ODAD1: variants seen among roughly 807,000 people sequenced by gnomAD.
ODAD1 encodes the protein outer dynein arm-docking complex subunit 1.
In ODAD1, 49 loss-of-function variants were observed where a neutral mutation model predicts 67.2. That is an observed-to-expected ratio of 0.73 (90% CI 0.58 to 0.92). The LOEUF (loss-of-function observed/expected upper bound fraction) is 0.92. Ranked by LOEUF, ODAD1 falls within the 40% of genes least tolerant of loss-of-function variation. The pLI is 0.00. For synonymous variants in ODAD1, 345 were observed against 393.7 expected (o/e 0.88, Z 1.46); for missense variants, 897 against 953.7 (o/e 0.94, Z 0.78).
chr19:48,311,474 G>C (rs1280915078), intron 7 of ODAD1, 79 bp downstream of exon 7: 4 of 812,736 alleles, frequency 4.9e-6, no homozygotes, highest in Non-Finnish European at 8.3e-6. Flanking sequence ...CTGAGTGCTA[G>C]AGCAGGAAGG....
At chr19:48,309,912 G>A (rs1242606187) in intron 7 of ODAD1, among the ~76,000 whole-genome samples, 2 of 152,154 alleles carry the variant, frequency 1.3e-5, no homozygotes, top group East Asian at 1.9e-4. Flanking sequence ...CCCCCAAAGT[G>A]CAGATGCCAA....
At chr19:48,308,834 G>A (rs537943907) in intron 7 of ODAD1, among the ~76,000 whole-genome samples, 4 of 152,338 alleles carry the variant, frequency 2.6e-5, no homozygotes, top group African/African-American at 9.6e-5. Flanking sequence ...CTCTTGCAGG[G>A]AGCCAGGAGC....
At chr19:48,299,344 G>C (rs1011956486) in intron 12 of ODAD1, among the ~76,000 whole-genome samples, 1 of 152,070 alleles carries the variant, frequency 6.6e-6, no homozygotes, top group Non-Finnish European at 1.5e-5. Flanking sequence ...CCGGGAGATG[G>C]ACGTTGCAGT....
rs576523977 is a variant in ODAD1, at chr19:48,306,392, G to A, written c.598-69C>T. 64 of 1,345,300 alleles carry A rather than the reference G, an allele frequency of 4.8e-5. No individual in the cohort carries two copies. The African/African-American group carries it at 8.9e-4, about 19-fold the overall frequency. The allele number at this position is 1,345,300 out of a possible 1,614,324, so 83.3% of individuals were successfully genotyped here. On this transcript the variant is annotated intron_variant, in intron 7 of 15. Transcript: ENST00000674294. ...CCATTGCTCGAAGTCTTTCCTTTTGGCCCCGTGCTTCTCCAATAAGGAGTA... is the reference window on the plus strand; with the variant it reads ...CCATTGCTCGAAGTCTTTCCTTTTGACCCCGTGCTTCTCCAATAAGGAGTA...
intron 12 of ODAD1, among the ~76,000 whole-genome samples, chr19:48,299,657 G>A (rs1383161480): frequency 6.6e-6 from 1 of 151,820 alleles, no homozygotes; most frequent in East Asian, 1.9e-4. Flanking sequence ...ACAAAAATTA[G>A]CTGGGTGTGG....
intron 7 of ODAD1, among the ~76,000 whole-genome samples, chr19:48,310,387 A>G (rs971227906): frequency 6.6e-6 from 1 of 152,196 alleles, no homozygotes; most frequent in Non-Finnish European, 1.5e-5. Context: ...ATGCAACGTG[A>G]GATTCTGGAC....
intron 10 of ODAD1, 72 bp from the exon 11 acceptor site, chr19:48,303,167 G>T: frequency 8.4e-7 from 1 of 1,186,342 alleles, no homozygotes; most frequent in Non-Finnish European, 1.3e-6. Context: ...AACAGAGACA[G>T]AGAGGCATAC....
rs1446635116 is a variant in ODAD1, at chr19:48,321,872, A to T, written c.-258T>A. The T allele has an allele frequency of 7.5e-6, 3 of 398,386 alleles. No homozygotes were observed. Among genetic ancestry groups the T allele is most frequent in the Non-Finnish European group, 1.3e-5 (3 of 225,972 alleles). 24.7% of individuals were successfully genotyped at this position (398,386 alleles called of 1,614,324 possible). The stretch of plus-strand genomic sequence containing the variant: ...GAGTTGCGCGGAGAAGGAGCGCTCA[A>T]CACAGCCTCAGCGGTTCACTACGCA... On this transcript the variant is annotated 5_prime_UTR_variant, in exon 1 of 16. In the 5' UTR this introduces an upstream ATG that the reference lacks. Transcript: ENST00000674294.
intron 12 of ODAD1, among the ~76,000 whole-genome samples, chr19:48,301,609 G>A (rs969225678): frequency 2.2e-4 from 33 of 152,190 alleles, no homozygotes; most frequent in Non-Finnish European, 4.7e-4. Context: ...AGACTAGGAA[G>A]ACAAAAGTCA....
Position 48,318,707 on chromosome 19 carries a change from G to C in ODAD1, c.170+6C>G, listed in dbSNP as rs574593150. On this transcript the variant is annotated splice_donor_region_variant and intron_variant, in intron 4 of 15. Coordinates refer to ENST00000674294, the MANE Select transcript of ODAD1 (RefSeq NM_001364171.2). The stretch of plus-strand genomic sequence containing the variant: ...CCCCAGCTCAGGGCCCAGGCGCCCA[G>C]CTCACAGTTGCTTGTTGATGCGCTG... 1 of 1,547,516 alleles carries C rather than the reference G, an allele frequency of 6.5e-7. No homozygotes were observed. Among genetic ancestry groups the C allele is most frequent in the Non-Finnish European group, 8.7e-7 (1 of 1,143,286 alleles).
chr19:48,297,072 G>A lies in ODAD1; in HGVS notation c.2028C>T (p.Ser676=), dbSNP rs146521880. 27 of 1,613,076 alleles carry A rather than the reference G, an allele frequency of 1.7e-5. No homozygotes were observed. Among genetic ancestry groups the A allele is most frequent in the African/African-American group, 6.7e-5 (5 of 75,004 alleles). ...GGTCTCTGCTGGACCCGAGGCCTCCGCTCGAATCAGACGCTGTGCCTCCGC... is the reference window on the plus strand; with the variant it reads ...GGTCTCTGCTGGACCCGAGGCCTCCACTCGAATCAGACGCTGTGCCTCCGC... ...VESGGTASDS[S]GGLGSSRDHV... is the part of the protein sequence containing the mutation. Residue 676 remains serine, a synonymous_variant, in exon 16 of 16, where the codon AGC becomes AGT. Coordinates refer to ENST00000674294, the MANE Select transcript of ODAD1 (RefSeq NM_001364171.2).
intron 12 of ODAD1, among the ~76,000 whole-genome samples, chr19:48,301,608 A>G (rs1968465057): frequency 6.6e-6 from 1 of 152,246 alleles, no homozygotes; most frequent in Non-Finnish European, 1.5e-5. Context: ...AAGACTAGGA[A>G]GACAAAAGTC....
chr19:48,304,606 C>T (rs989877316), intron 8 of ODAD1, among the ~76,000 whole-genome samples: 7 of 94,564 alleles, frequency 7.4e-5, no homozygotes, highest in East Asian at 3.1e-4. Context: ...GTGGCAAGAG[C>T]GAAACTGTCT....
chr19:48,307,306 G>C (rs960421998), intron 7 of ODAD1, among the ~76,000 whole-genome samples: 4 of 150,430 alleles, frequency 2.7e-5, no homozygotes, highest in Non-Finnish European at 5.9e-5. Context: ...TGTAAAATAT[G>C]TCAGCCAGGC....
At chr19:48,301,389 T>C (rs1968458533) in intron 12 of ODAD1, among the ~76,000 whole-genome samples, 1 of 151,820 alleles carries the variant, frequency 6.6e-6, no homozygotes, top group South Asian at 2.1e-4. Context: ...ATGATGGATA[T>C]GGGACAGTTG....
At chr19:48,305,064 G>A (rs769072470) in intron 8 of ODAD1, among the ~76,000 whole-genome samples, 24 of 152,154 alleles carry the variant, frequency 1.6e-4, no homozygotes, top group Non-Finnish European at 2.9e-4. Context: ...CCCTAAGGCC[G>A]ACCCAGGCCA....
intron 7 of ODAD1, among the ~76,000 whole-genome samples, chr19:48,310,384 G>A (rs1368495531): frequency 2.6e-5 from 4 of 152,162 alleles, no homozygotes; most frequent in Non-Finnish European, 4.4e-5. Context: ...CAAATGCAAC[G>A]TGAGATTCTG....
chr19:48,311,009 G>A (rs1249911858), intron 7 of ODAD1, among the ~76,000 whole-genome samples: 3 of 152,112 alleles, frequency 2.0e-5, no homozygotes, highest in Admixed American at 6.6e-5. Flanking sequence ...TCAGGAGATC[G>A]AGACCATCCT....
intron 12 of ODAD1, among the ~76,000 whole-genome samples, chr19:48,299,488 T>C (rs1600857062): frequency 6.6e-6 from 1 of 152,018 alleles, no homozygotes; most frequent in Admixed American, 6.6e-5. Context: ...CTGAGTGCTC[T>C]GCATGGCTAC....
Sources: allele counts gnomAD v4.1 joint callset (sites outside exome capture counted in the v4.1 genomes callset), GRCh38; gene constraint gnomAD v4.1.1; transcripts MANE v1.5; gene names NCBI Gene and HGNC (gene_info 2026-07-23, HGNC 2026-07-21).